PBX3: variants seen among roughly 807,000 people sequenced by gnomAD.
PBX3 encodes the protein pre-B-cell leukemia transcription factor 3.
Under a neutral mutation model 48.5 loss-of-function variants are expected in PBX3, and 14 were observed. The ratio of observed to expected loss-of-function variants is 0.29; its 90% confidence interval spans 0.19 to 0.45. The LOEUF (loss-of-function observed/expected upper bound fraction) is 0.45, where lower values mean the gene tolerates loss of function less well. Ranked by LOEUF, PBX3 falls within the 20% of genes least tolerant of loss-of-function variation. The pLI is 1.00. For missense variants in PBX3, 386 were observed against 546.7 expected (o/e 0.71, Z 2.93); for synonymous variants, 210 against 200.3 (o/e 1.05, Z -0.41).
intron 2 of PBX3, among the ~76,000 whole-genome samples, chr9:125,878,631 G>A (rs1183518840): frequency 1.3e-5 from 2 of 152,172 alleles, no homozygotes; most frequent in Admixed American, 1.3e-4. Flanking sequence ...TAGACTACAG[G>A]CTGGAGCCAA....
At chr9:125,890,275 A>G (rs1840610697) in intron 2 of PBX3, among the ~76,000 whole-genome samples, 1 of 152,230 alleles carries the variant, frequency 6.6e-6, no homozygotes, top group Admixed American at 6.5e-5. Flanking sequence ...TGAGAAAAAA[A>G]TAACTAAGCC....
At chr9:125,756,837 C>G (rs1836531195) in intron 2 of PBX3, among the ~76,000 whole-genome samples, 1 of 152,164 alleles carries the variant, frequency 6.6e-6, no homozygotes, top group African/African-American at 2.4e-5. Flanking sequence ...ACATTAGCTG[C>G]TTTTCTAAAT....
In PBX3 at chr9:125,893,666, CTCTG is replaced by C. The variant is rs547122285; in HGVS notation, c.275-22014_275-22011del. Among the ~76,000 whole-genome samples, 46 of 152,276 alleles carry C rather than the reference CTCTG, an allele frequency of 3.0e-4. 1 individual carries two copies. In the South Asian group the frequency reaches 9.1e-3, roughly 30 times the overall value. The stretch of plus-strand genomic sequence containing the variant: ...TTGGTGGCTTATATGTATACTCTGG[CTCTG>C]TCTGTAATGAATGTCTTCAAAACAT... On this transcript the variant is annotated intron_variant, in intron 2 of 8. Transcript: ENST00000373489.
chr9:125,862,310 C>A (rs1214063336), intron 2 of PBX3, among the ~76,000 whole-genome samples: 2 of 152,184 alleles, frequency 1.3e-5, no homozygotes, highest in Non-Finnish European at 2.9e-5. Context: ...ATCAAAATTT[C>A]TTACATATGG....
intron 2 of PBX3, among the ~76,000 whole-genome samples, chr9:125,773,004 A>G (rs1836979615): frequency 6.6e-6 from 1 of 152,202 alleles, no homozygotes; most frequent in African/African-American, 2.4e-5. Flanking sequence ...AGGTGATGAG[A>G]CAGGCAGGGA....
chr9:125,837,393 T>G (rs1038794320), intron 2 of PBX3, among the ~76,000 whole-genome samples: 2 of 149,528 alleles, frequency 1.3e-5, no homozygotes, highest in African/African-American at 4.9e-5. Context: ...TATAAATATA[T>G]ATAATTTATT....
intron 2 of PBX3, among the ~76,000 whole-genome samples, chr9:125,844,276 T>G (rs978611476): frequency 6.6e-6 from 1 of 150,908 alleles, no homozygotes; most frequent in African/African-American, 2.4e-5. Context: ...AGTGACTGTT[T>G]AACAGAATGC....
chr9:125,897,168 G>A (rs1386838402), intron 2 of PBX3, among the ~76,000 whole-genome samples: 1 of 88,904 alleles, frequency 1.1e-5, no homozygotes, highest in African/African-American at 4.0e-5. Flanking sequence ...TTTTTCCTGT[G>A]CAAACATGAC....
intron 2 of PBX3, among the ~76,000 whole-genome samples, chr9:125,824,259 G>A (rs775559691): frequency 6.6e-6 from 1 of 152,118 alleles, no homozygotes; most frequent in Non-Finnish European, 1.5e-5. Context: ...GAGGGGCTAC[G>A]TAACCACTAG....
At chr9:125,927,943 G>A (rs1365566880) in intron 3 of PBX3, among the ~76,000 whole-genome samples, 2 of 152,158 alleles carry the variant, frequency 1.3e-5, no homozygotes, top group Non-Finnish European at 2.9e-5. Flanking sequence ...CACTTCGGGA[G>A]GCTGAGGCAG....
rs1839191233 is a variant in PBX3, at chr9:125,838,138, C to T, written c.275-77548C>T. ...GTGGCATGATCACAGCTCACTGCAG[C>T]CTGCTGGGCTCAAGGGATTCTCCTG... On this transcript the variant is annotated intron_variant, in intron 2 of 8. Transcript: ENST00000373489. Among the ~76,000 whole-genome samples, 6 of 152,304 alleles carry T rather than the reference C, an allele frequency of 3.9e-5. No individual in the cohort carries two copies. In the South Asian group the frequency reaches 1.2e-3, roughly 32 times the overall value.
chr9:125,950,713 C>T (rs1332262309), intron 5 of PBX3, among the ~76,000 whole-genome samples: 2 of 152,140 alleles, frequency 1.3e-5, no homozygotes, highest in African/African-American at 4.8e-5. Context: ...AACTCCTGAC[C>T]TCAGGTGATC....
At chr9:125,822,045 AT>A (rs1374115506) in intron 2 of PBX3, among the ~76,000 whole-genome samples, 1 of 152,082 alleles carries the variant, frequency 6.6e-6, no homozygotes, top group Non-Finnish European at 1.5e-5. Context: ...AAATAGTGGA[AT>A]TTACTTTCTG....
At chr9:125,747,906 G>C (rs1349736855) in intron 1 of PBX3, among the ~76,000 whole-genome samples, 1 of 151,684 alleles carries the variant, frequency 6.6e-6, no homozygotes, top group Non-Finnish European at 1.5e-5. Context: ...CCTTTCCCCC[G>C]TCCTGCCCCT....
chr9:125,939,734 A>G (rs777594701), intron 5 of PBX3, among the ~76,000 whole-genome samples: 2 of 152,234 alleles, frequency 1.3e-5, no homozygotes, highest in Non-Finnish European at 2.9e-5. Context: ...ATGGAGCACT[A>G]TTCAGCAATG....
intron 2 of PBX3, among the ~76,000 whole-genome samples, chr9:125,794,351 A>G (rs2132074947): frequency 6.6e-6 from 1 of 152,338 alleles, no homozygotes; most frequent in African/African-American, 2.4e-5. Flanking sequence ...CCAGGTAATC[A>G]TATACACATT....
At chr9:125,866,333 G>A (rs905716074) in intron 2 of PBX3, among the ~76,000 whole-genome samples, 1 of 151,996 alleles carries the variant, frequency 6.6e-6, no homozygotes, top group Non-Finnish European at 1.5e-5. Flanking sequence ...TTAAATATCT[G>A]TATAGTTATT....
At chr9:125,944,418 C>A (rs1310004180) in intron 5 of PBX3, among the ~76,000 whole-genome samples, 2 of 152,124 alleles carry the variant, frequency 1.3e-5, no homozygotes, top group African/African-American at 4.8e-5. Flanking sequence ...AGGCACTATG[C>A]CTGGAACTGT....
In PBX3 at chr9:125,768,078, C is replaced by CA. The variant is rs919444767; in HGVS notation, c.274+19465dup. Among the ~76,000 whole-genome samples the CA allele has an allele frequency of 1.1e-3, 121 of 109,664 alleles. 2 individuals carry two copies. In the South Asian group the frequency reaches 0.019, roughly 17 times the overall value. The allele number at this position is 109,664 out of a possible 152,430, so 71.9% of individuals were successfully genotyped here. A position where few individuals can be genotyped will look rare whatever the true frequency, so the allele number is the denominator to read the frequency against. ...CATATATTACCTTGCAAGAATGATA[C>CA]AAAAAAAAAATTACTGGTTTATGAC... On this transcript the variant is annotated intron_variant, in intron 2 of 8. Coordinates refer to ENST00000373489, the MANE Select transcript of PBX3 (RefSeq NM_006195.6).
Sources: allele counts gnomAD v4.1 joint callset (sites outside exome capture counted in the v4.1 genomes callset), GRCh38; gene constraint gnomAD v4.1.1; transcripts MANE v1.5; gene names NCBI Gene and HGNC (gene_info 2026-07-23, HGNC 2026-07-21).